SIDT1: variants seen among roughly 807,000 people sequenced by gnomAD.
SIDT1 encodes the protein SID1 transmembrane family, member 1.
In SIDT1, 101 loss-of-function variants were observed where a neutral mutation model predicts 107.5. The observed-to-expected ratio is 0.94, with a 90% CI of 0.80 to 1.11. The LOEUF (loss-of-function observed/expected upper bound fraction) is 1.11, where lower values mean the gene tolerates loss of function less well. Among genes scored for constraint, SIDT1 ranks in the 50% least tolerant of loss-of-function variants. The pLI is 0.00. For missense variants in SIDT1, 1,076 were observed against 1,058.2 expected (o/e 1.02, Z -0.23); for synonymous variants, 395 against 398.2 (o/e 0.99, Z 0.10).
Position 113,533,131 on chromosome 3 carries a change from G to T in SIDT1, c.110G>T (p.Arg37Leu). 6.4e-7 allele frequency: 1 copy of T among 1,566,316 alleles called. No homozygotes were observed. The highest frequency in any genetic ancestry group is 8.6e-7 in the Non-Finnish European group (1 of 1,158,388). ...KSPRQPPAPR[R>L]DPFDAARGAD... ...CCCAGGCAGCCCCCGGCACCGCGCCGCGACCCCTTCGACGCTGCCAGGGGC... is the reference window on the plus strand; with the variant it reads ...CCCAGGCAGCCCCCGGCACCGCGCCTCGACCCCTTCGACGCTGCCAGGGGC... The change falls in exon 1 of 25, where the codon CGC becomes CTC. Residue 37 changes from arginine to leucine, a missense_variant. Physicochemically the swap from Arg to Leu is moderately radical, Grantham distance 102. Transcript: ENST00000264852.
chr3:113,541,564 G>A (rs780508670), intron 1 of SIDT1, among the ~76,000 whole-genome samples: 17 of 152,170 alleles, frequency 1.1e-4, no homozygotes, highest in Non-Finnish European at 2.1e-4. Context: ...TTGGGTTGGT[G>A]CAAAAGTAAT....
intron 1 of SIDT1, among the ~76,000 whole-genome samples, chr3:113,535,976 C>T (rs1214699585): frequency 2.6e-4 from 40 of 152,176 alleles, no homozygotes; most frequent in Admixed American, 2.6e-3. Flanking sequence ...TGCAGGTACA[C>T]AAGGCTGTTG....
Position 113,627,658 on chromosome 3 carries a change from T to C in SIDT1, c.2434T>C (p.Leu812=), listed in dbSNP as rs113138394. The change falls in exon 25 of 25, where the codon TTG becomes CTG. Residue 812 remains leucine, a synonymous_variant. Coordinates refer to ENST00000264852, the MANE Select transcript of SIDT1 (RefSeq NM_017699.3). Reference sequence around the variant, plus strand: ...CCTCTCACTTCAGGTTTTGTTAACTTTGGATGATGACCTTGATGTGGTTCG... The same window carrying C: ...CCTCTCACTTCAGGTTTTGTTAACTCTGGATGATGACCTTGATGTGGTTCG... The part of the protein sequence containing the change: ...LFFSFLVLLT[L]DDDLDVVRRD... 50 of 1,614,046 alleles carry C rather than the reference T, an allele frequency of 3.1e-5. No individual in the cohort carries two copies. In the African/African-American group the frequency reaches 6.0e-4, roughly 19 times the overall value.
At chr3:113,624,241 C>T (rs1259769866) in intron 23 of SIDT1, among the ~76,000 whole-genome samples, 1 of 152,218 alleles carries the variant, frequency 6.6e-6, no homozygotes, top group Admixed American at 6.5e-5. Context: ...ACCTCATATG[C>T]ATCAGCATTC....
chr3:113,577,005 C>A (rs1942958886), intron 4 of SIDT1, 38 bp downstream of exon 4: 1 of 1,593,414 alleles, frequency 6.3e-7, no homozygotes. Flanking sequence ...AACATCCTAC[C>A]TGTTGGTGTT....
intron 17 of SIDT1, among the ~76,000 whole-genome samples, chr3:113,610,216 T>G (rs1314173215): frequency 6.6e-6 from 1 of 152,250 alleles, no homozygotes; most frequent in Admixed American, 6.5e-5. Flanking sequence ...CATCCTTCTA[T>G]ATGTCTCTTT....
At chr3:113,607,618 C>T (rs1218013002) in intron 15 of SIDT1, among the ~76,000 whole-genome samples, 3 of 152,242 alleles carry the variant, frequency 2.0e-5, no homozygotes, top group African/African-American at 7.2e-5. Context: ...GGAGTCTAGC[C>T]TCTTGCTCCA....
At chr3:113,615,145 C>T in intron 19 of SIDT1, 1 of 1,476,988 alleles carries the variant, frequency 6.8e-7, no homozygotes, top group Non-Finnish European at 9.1e-7. Context: ...CCTGGCTGTC[C>T]TGGCAGCCCT....
At chr3:113,540,265 A>G (rs191333490) in intron 1 of SIDT1, among the ~76,000 whole-genome samples, 1 of 152,246 alleles carries the variant, frequency 6.6e-6, no homozygotes, top group Non-Finnish European at 1.5e-5. Context: ...ATATTCATGA[A>G]GGATCTACCC....
At position 113,627,750 on chromosome 3, in the gene SIDT1, T is replaced by G; in HGVS notation, c.*42T>G. 6.3e-7 allele frequency: 1 copy of G among 1,597,104 alleles called. No homozygotes were observed. The highest frequency in any genetic ancestry group is 8.6e-7 in the Non-Finnish European group (1 of 1,166,110). ...GAGGGGAGGGAGCGATCAATCTTGG[T>G]GCTGTTTCACAAAAATTACAGTGAC... On this transcript the variant is annotated 3_prime_UTR_variant, in exon 25 of 25. Transcript: ENST00000264852.
At chr3:113,537,421 G>T (rs538246837) in intron 1 of SIDT1, among the ~76,000 whole-genome samples, 94 of 152,270 alleles carry the variant, frequency 6.2e-4, no homozygotes, top group African/African-American at 2.0e-3. Context: ...GTAACCTCTA[G>T]CTATATGCAT....
intron 17 of SIDT1, 99 bp downstream of exon 17, chr3:113,608,635 G>A (rs1168321101): frequency 2.4e-6 from 2 of 831,898 alleles, no homozygotes; most frequent in Non-Finnish European, 4.1e-6. Flanking sequence ...AGATCAAATG[G>A]CATTTTATGT....
intron 9 of SIDT1, 177 bp from the exon 10 acceptor site, chr3:113,592,828 C>T (rs181977719): frequency 2.2e-4 from 129 of 577,118 alleles, no homozygotes; most frequent in Admixed American, 5.2e-4. Context: ...CTTTGTGATC[C>T]GCCTGCCTTG....
chr3:113,630,024 G>C (rs1276340861), downstream of SIDT1, among the ~76,000 whole-genome samples: 1 of 152,184 alleles, frequency 6.6e-6, no homozygotes, highest in East Asian at 1.9e-4. Flanking sequence ...GCAGAGGGGA[G>C]CACAGAGAGC....
chr3:113,625,773 T>G, intron 23 of SIDT1: 1 of 220,802 alleles, frequency 4.5e-6, no homozygotes, highest in Non-Finnish European at 8.9e-6. Flanking sequence ...TTTCAGCTCC[T>G]TATATATTCT....
intron 1 of SIDT1, among the ~76,000 whole-genome samples, chr3:113,542,281 AT>A (rs1444870822): frequency 6.6e-6 from 1 of 151,978 alleles, no homozygotes; most frequent in South Asian, 2.1e-4. Flanking sequence ...AGCTTCAGTA[AT>A]TTTTTATGTC....
At position 113,533,078 on chromosome 3, in the gene SIDT1, G is replaced by T. The variant is rs1045792400; in HGVS notation, c.57G>T (p.Ala19=). 4.9e-5 allele frequency: 74 copies of T among 1,500,732 alleles called. No individual in the cohort carries two copies. The highest frequency in any genetic ancestry group is 6.0e-5 in the Non-Finnish European group (68 of 1,124,940). 93.0% of individuals were successfully genotyped at this position (1,500,732 alleles called of 1,614,324 possible). Residue 19 remains alanine, a synonymous_variant, in exon 1 of 25, where the codon GCG becomes GCT. Transcript: ENST00000264852. The stretch of plus-strand genomic sequence containing the variant: ...GCGCGCTGCCCTGGCTCCTGCTGGC[G>T]GCGTCGCCCGGGCACCCGGCGAAAT... ...LLCALPWLLL[A]ASPGHPAKSP... is the part of the protein sequence containing the mutation.
chr3:113,603,243 T>C (rs1945089870), intron 12 of SIDT1, 93 bp downstream of exon 12: 2 of 1,362,478 alleles, frequency 1.5e-6, no homozygotes, highest in South Asian at 1.4e-5. Context: ...TTATTTTGTT[T>C]CCTTCAGGGA....
At chr3:113,614,335 G>C (rs759682421) in intron 19 of SIDT1, among the ~76,000 whole-genome samples, 1 of 152,198 alleles carries the variant, frequency 6.6e-6, no homozygotes, top group South Asian at 2.1e-4. Flanking sequence ...CCCCAGGAGA[G>C]AGATTCATGG....
Sources: allele counts gnomAD v4.1 joint callset (sites outside exome capture counted in the v4.1 genomes callset), GRCh38; gene constraint gnomAD v4.1.1; transcripts MANE v1.5; gene names NCBI Gene and HGNC (gene_info 2026-07-23, HGNC 2026-07-21).